Variants in WT1 observed in about 807,000 individuals in gnomAD.
The protein encoded by WT1 is Wilms tumor protein.
WT1 carries 8 observed loss-of-function variants against 60.8 expected under a neutral mutation model. The observed-to-expected ratio is 0.13, with a 90% CI of 0.08 to 0.24. The LOEUF (loss-of-function observed/expected upper bound fraction) is 0.24. Ranked by LOEUF, WT1 falls within the 10% of genes least tolerant of loss-of-function variation. WT1 has a pLI of 1.00. For missense variants in WT1, 568 were observed against 711.8 expected (o/e 0.80, Z 2.30); for synonymous variants, 312 against 297.1 (o/e 1.05, Z -0.52).
intron 3 of WT1, among the ~76,000 whole-genome samples, chr11:32,425,522 T>C (rs1357376741): frequency 1.3e-5 from 2 of 152,222 alleles, no homozygotes; most frequent in African/African-American, 4.8e-5. Context: ...TGTAGTAATG[T>C]TGGTGCACAG....
At chr11:32,409,919 T>C (rs147362298) in intron 5 of WT1, among the ~76,000 whole-genome samples, 11 of 152,176 alleles carry the variant, frequency 7.2e-5, no homozygotes, top group Non-Finnish European at 1.6e-4. Context: ...TTTTTTTCCT[T>C]TTCTTTTTTT....
intron 7 of WT1, among the ~76,000 whole-genome samples, chr11:32,394,776 T>C (rs781213155): frequency 5.9e-5 from 9 of 152,230 alleles, no homozygotes; most frequent in Non-Finnish European, 1.2e-4. Context: ...AAGAGTTTCT[T>C]AAAGGCTCCA....
chr11:32,396,486 C>G (rs959235583), intron 6 of WT1, 79 bp from the exon 7 acceptor site: 4 of 1,586,702 alleles, frequency 2.5e-6, no homozygotes, highest in Admixed American at 1.7e-5. Context: ...AGAGTGAGCA[C>G]TGGAGTATAT....
chr11:32,430,635 G>T, intron 1 of WT1: 1 of 1,522,552 alleles, frequency 6.6e-7, no homozygotes, highest in South Asian at 1.3e-5. Context: ...CGTGGGTCCC[G>T]AGTCGCGGCA....
At chr11:32,400,461 G>A (rs1852121795) in intron 5 of WT1, 5 of 336,606 alleles carry the variant, frequency 1.5e-5, no homozygotes, top group South Asian at 2.5e-5. Flanking sequence ...TCATGACTCA[G>A]TTTTTACCAG....
rs1220372055 is a variant in WT1, at chr11:32,389,169, G to T, written c.1458C>A (p.Pro486=). The T allele has an allele frequency of 6.2e-7, 1 of 1,614,002 alleles. No homozygotes were observed. The highest frequency in any genetic ancestry group is 2.2e-5 in the East Asian group (1 of 44,890). Reference sequence around the variant, plus strand: ...GACAACTTGGCCACCGACAGCTGAAGGGCTTTTCACCTGTTGACACAATTG... The same window carrying T: ...GACAACTTGGCCACCGACAGCTGAATGGCTTTTCACCTGTTGACACAATTG... The change falls in exon 10 of 10, where the codon CCC becomes CCA. Residue 486 remains proline, a synonymous_variant. Coordinates refer to ENST00000452863, the MANE Select transcript of WT1 (RefSeq NM_024426.6).
intron 9 of WT1, 60 bp from the exon 10 acceptor site, chr11:32,389,239 T>G: frequency 6.2e-7 from 1 of 1,613,016 alleles, no homozygotes; most frequent in South Asian, 1.1e-5. Context: ...CAAGTTCAAC[T>G]ATCAAGGCCC....
intron 1 of WT1, among the ~76,000 whole-genome samples, chr11:32,434,046 T>C (rs1489266520): frequency 6.6e-6 from 1 of 151,968 alleles, no homozygotes; most frequent in Non-Finnish European, 1.5e-5. Context: ...CGAAGCCCAG[T>C]GAAGATCCAC....
chr11:32,419,209 A>T (rs1460876106), intron 3 of WT1, among the ~76,000 whole-genome samples: 2 of 152,244 alleles, frequency 1.3e-5, no homozygotes, highest in Non-Finnish European at 2.9e-5. Context: ...TAGAAGTGCC[A>T]GCCTGCAGCA....
intron 5 of WT1, among the ~76,000 whole-genome samples, chr11:32,414,713 A>C (rs750874181): frequency 6.6e-6 from 1 of 152,128 alleles, no homozygotes; most frequent in Non-Finnish European, 1.5e-5. Flanking sequence ...TCTCTACCAA[A>C]AATACAAAAA....
chr11:32,401,154 T>C (rs1852141092), intron 5 of WT1, among the ~76,000 whole-genome samples: 1 of 152,184 alleles, frequency 6.6e-6, no homozygotes, highest in Admixed American at 6.5e-5. Flanking sequence ...CTTCATACAA[T>C]GGAATATTAT....
chr11:32,388,194 A>C lies in WT1; in HGVS notation c.*864T>G, dbSNP rs5030323. On this transcript the variant is annotated 3_prime_UTR_variant, in exon 10 of 10. Coordinates refer to ENST00000452863, the MANE Select transcript of WT1 (RefSeq NM_024426.6). ...CTTTTAAAGTCACTTTCATTTTTAC[A>C]ACTTGAAGCCATATACCAGCATGGT... 5.2e-3 allele frequency: 1,213 copies of C among 233,708 alleles called. 14 individuals carry two copies. Among genetic ancestry groups the C allele is most frequent in the African/African-American group, 0.025 (1,149 of 45,396 alleles). The allele number at this position is 233,708 out of a possible 1,614,324, so 14.5% of individuals were successfully genotyped here. A position where few individuals can be genotyped will look rare whatever the true frequency, so the allele number is the denominator to read the frequency against.
At chr11:32,403,476 T>A (rs934434198) in intron 5 of WT1, among the ~76,000 whole-genome samples, 3 of 152,146 alleles carry the variant, frequency 2.0e-5, no homozygotes, top group African/African-American at 7.2e-5. Context: ...GTGACTAGTT[T>A]TCAAGATAGC....
chr11:32,421,724 G>GA (rs1418980587), intron 3 of WT1, among the ~76,000 whole-genome samples: 1 of 151,996 alleles, frequency 6.6e-6, no homozygotes, highest in Non-Finnish European at 1.5e-5. Context: ...AAGAAAGGAA[G>GA]AAAAAAAGCC....
At chr11:32,407,664 A>G (rs1852357341) in intron 5 of WT1, among the ~76,000 whole-genome samples, 3 of 151,738 alleles carry the variant, frequency 2.0e-5, no homozygotes, top group Admixed American at 1.3e-4. Context: ...TTCTCTCCCC[A>G]CCCTCGATAC....
chr11:32,429,578 C>A (rs1378682827), intron 1 of WT1, among the ~76,000 whole-genome samples: 4 of 151,640 alleles, frequency 2.6e-5, no homozygotes, highest in Non-Finnish European at 5.9e-5. Context: ...TTCTGGAAAG[C>A]TGTTGCTGCC....
At chr11:32,401,500 A>G (rs996872618) in intron 5 of WT1, among the ~76,000 whole-genome samples, 3 of 127,938 alleles carry the variant, frequency 2.3e-5, no homozygotes, top group East Asian at 7.4e-4. Flanking sequence ...CTTTTAAAAA[A>G]TTATCGGGGG....
chr11:32,434,815 G>A lies in WT1; in HGVS notation c.546C>T (p.Tyr182=), dbSNP rs121907911. The A allele has an allele frequency of 1.2e-6, 2 of 1,612,522 alleles. No individual in the cohort carries two copies. The highest frequency in any genetic ancestry group is 2.2e-5 in the East Asian group (1 of 44,864). The change falls in exon 1 of 10, where the codon TAC becomes TAT. Residue 182 remains tyrosine, a synonymous_variant. Transcript: ENST00000452863. ...TGGGCGGAGGAGGACCGAAGGGCCC[G>A]TAGCGACAGGCTCCGGCTGTGCCAG...
intron 7 of WT1, among the ~76,000 whole-genome samples, chr11:32,395,721 C>G (rs1003756442): frequency 6.6e-6 from 1 of 152,040 alleles, no homozygotes; most frequent in Non-Finnish European, 1.5e-5. Flanking sequence ...TTCGGCCTCC[C>G]AAAGTGCTGG....
Sources: allele counts gnomAD v4.1 joint callset (sites outside exome capture counted in the v4.1 genomes callset), GRCh38; gene constraint gnomAD v4.1.1; transcripts MANE v1.5; gene names NCBI Gene and HGNC (gene_info 2026-07-23, HGNC 2026-07-21).